CSMD1: variants seen among roughly 807,000 people sequenced by gnomAD.
CSMD1 encodes the protein CUB and sushi domain-containing protein 1.
In CSMD1, 213 loss-of-function variants were observed where a neutral mutation model predicts 417.5. The observed-to-expected ratio is 0.51, with a 90% CI of 0.46 to 0.57. CSMD1 has a LOEUF of 0.57. CSMD1 is among the 20% of genes least tolerant of loss of function. The pLI is 0.00. For missense variants in CSMD1, 6,923 were observed against 4,529.7 expected, an observed-to-expected ratio of 1.53 and a Z score of -15.17; for synonymous variants, 2,862 against 1,736.8, an observed-to-expected ratio of 1.65 and a Z score of -16.11.
chr8:3,579,039 T>A (rs763775756), intron 9 of CSMD1, among the ~76,000 whole-genome samples: 1 of 152,210 alleles, frequency 6.6e-6, no homozygotes, highest in Non-Finnish European at 1.5e-5. Flanking sequence ...TTCACCGACA[T>A]GCTTGATAAA....
intron 2 of CSMD1, among the ~76,000 whole-genome samples, chr8:4,584,441 T>C (rs1384757413): frequency 2.6e-5 from 4 of 152,098 alleles, no homozygotes; most frequent in African/African-American, 9.7e-5. Flanking sequence ...TGTCGGCCAG[T>C]TAAAAGCGAC....
At chr8:4,015,519 A>G (rs1034673811) in intron 4 of CSMD1, among the ~76,000 whole-genome samples, 2 of 152,112 alleles carry the variant, frequency 1.3e-5, no homozygotes, top group African/African-American at 4.8e-5. Context: ...AAAAGCAACA[A>G]TGGGCCTACA....
chr8:3,065,446 T>A (rs895536132), intron 49 of CSMD1, among the ~76,000 whole-genome samples: 1 of 151,922 alleles, frequency 6.6e-6, no homozygotes, highest in Non-Finnish European at 1.5e-5. Context: ...GATAGATACA[T>A]ACAGAGAGAT....
chr8:4,321,055 C>G (rs1371315434), intron 3 of CSMD1, among the ~76,000 whole-genome samples: 2 of 152,116 alleles, frequency 1.3e-5, no homozygotes, highest in East Asian at 1.9e-4. Context: ...GTTTTACACA[C>G]AGATCTCTTA....
intron 3 of CSMD1, among the ~76,000 whole-genome samples, chr8:4,044,573 C>T (rs1798051168): frequency 6.6e-6 from 1 of 152,182 alleles, no homozygotes; most frequent in Admixed American, 6.5e-5. Flanking sequence ...AGAGCTCGGT[C>T]ACCGGAAGGA....
intron 5 of CSMD1, among the ~76,000 whole-genome samples, chr8:3,990,006 C>T (rs1177731902): frequency 6.6e-6 from 1 of 152,138 alleles, no homozygotes; most frequent in Non-Finnish European, 1.5e-5. Flanking sequence ...CGAGGATGTG[C>T]CAGTTGGCTG....
chr8:3,329,586 C>T (rs1806761319), intron 23 of CSMD1, among the ~76,000 whole-genome samples: 1 of 152,218 alleles, frequency 6.6e-6, no homozygotes, highest in Non-Finnish European at 1.5e-5. Context: ...ATTTACCCTT[C>T]TCATGTACCA....
chr8:3,811,091 G>C (rs1801048199), intron 5 of CSMD1, among the ~76,000 whole-genome samples: 1 of 152,102 alleles, frequency 6.6e-6, no homozygotes, highest in African/African-American at 2.4e-5. Flanking sequence ...CGTGATAAAG[G>C]TAGTTCTAAG....
rs1341446496 is a variant in CSMD1 at position 4,956,227 on chromosome 8, T to C, written c.85+38105A>G. Among the ~76,000 whole-genome samples the C allele has an allele frequency of 3.3e-5, 5 of 149,778 alleles. No homozygotes were observed. In the East Asian group the frequency reaches 7.7e-4, roughly 23 times the overall value. ...TTCTTTTTAAGTTGTTCAACACCTT[T>C]ACAGCCCTCCTTACTCGCTATTTTT... On this transcript the variant is annotated intron_variant, in intron 1 of 69. Transcript: ENST00000635120.
At chr8:4,964,333 C>T (rs1274456821) in intron 1 of CSMD1, among the ~76,000 whole-genome samples, 2 of 151,212 alleles carry the variant, frequency 1.3e-5, no homozygotes, top group African/African-American at 4.9e-5. Context: ...GGCAGCATGG[C>T]AAAATCCCAT....
At chr8:3,803,216 CT>C (rs144750043) in intron 5 of CSMD1, among the ~76,000 whole-genome samples, 4,798 of 152,174 alleles carry the variant, frequency 0.032, 181 homozygotes, top group African/African-American at 0.086. Context: ...TGAGTGATGA[CT>C]TGTGTGCCAA....
chr8:4,326,782 G>T (rs1799586755), intron 3 of CSMD1, among the ~76,000 whole-genome samples: 1 of 152,022 alleles, frequency 6.6e-6, no homozygotes, highest in African/African-American at 2.4e-5. Context: ...CGCAGAAATG[G>T]AATTCAGCTA....
At chr8:3,989,244 C>T (rs1181054789) in intron 5 of CSMD1, among the ~76,000 whole-genome samples, 4 of 152,172 alleles carry the variant, frequency 2.6e-5, no homozygotes, top group African/African-American at 4.8e-5. Context: ...CTGGGACTTC[C>T]AGAGCAAACC....
chr8:3,580,782 C>G (rs1171280230), intron 9 of CSMD1, among the ~76,000 whole-genome samples: 1 of 152,076 alleles, frequency 6.6e-6, no homozygotes, highest in African/African-American at 2.4e-5. Context: ...GGATCTATAA[C>G]CTGGTATAAA....
intron 5 of CSMD1, among the ~76,000 whole-genome samples, chr8:3,979,051 T>C (rs983562434): frequency 2.0e-5 from 3 of 152,170 alleles, no homozygotes; most frequent in African/African-American, 7.2e-5. Context: ...ACAAGAAGTT[T>C]CCTCCTTTCC....
At chr8:4,616,166 A>G (rs998095497) in intron 2 of CSMD1, among the ~76,000 whole-genome samples, 1 of 152,224 alleles carries the variant, frequency 6.6e-6, no homozygotes, top group Non-Finnish European at 1.5e-5. Flanking sequence ...CAGATCCCAT[A>G]GCTAAAACTT....
chr8:4,733,570 T>C (rs929926664), intron 1 of CSMD1, among the ~76,000 whole-genome samples: 1 of 152,222 alleles, frequency 6.6e-6, no homozygotes, highest in Non-Finnish European at 1.5e-5. Flanking sequence ...AGCTATGTGG[T>C]GTAAGACGTT....
chr8:3,087,183 T>C lies in CSMD1; in HGVS notation c.7388A>G (p.Tyr2463Cys). 1 of 1,613,956 alleles carries C rather than the reference T, an allele frequency of 6.2e-7. No homozygotes were observed. The highest frequency in any genetic ancestry group is 8.5e-7 in the Non-Finnish European group (1 of 1,179,890). The change falls in exon 49 of 70, where the codon TAC becomes TGC. Residue 2463 changes from tyrosine (Y) to cysteine (C), a missense_variant. By Grantham distance (194) the Tyr-to-Cys change is radical (BLOSUM62 -2). Transcript: ENST00000635120. ...SKVHYFCKPGYRMVGHSNATC... is the reference protein window; with the variant it reads ...SKVHYFCKPGCRMVGHSNATC... ...TGCATTGCTGTGGCCGACCATTCGG[T>C]ATCCAGGCTTGCAAAAATAATGCAC... is the stretch of plus-strand genomic sequence containing the variant.
chr8:3,886,865 C>G (rs905078058), intron 5 of CSMD1, among the ~76,000 whole-genome samples: 2 of 152,162 alleles, frequency 1.3e-5, no homozygotes, highest in Non-Finnish European at 2.9e-5. Context: ...TCAATGGCTA[C>G]ACTATACTGG....
Sources: gnomAD v4.1 joint callset for allele counts (sites outside exome capture counted in the v4.1 genomes callset) on GRCh38, gnomAD v4.1.1 for gene constraint, MANE v1.5 for transcripts, NCBI Gene and HGNC (gene_info 2026-07-23, HGNC 2026-07-21) for gene names.